The following KAT6A variants were observed in gnomAD, a reference collection of about 807,000 sequenced individuals.
The protein encoded by KAT6A is lysine acetyltransferase 6A, also known as histone acetyltransferase KAT6A.
KAT6A carries 9 observed loss-of-function variants against 198.4 expected under a neutral mutation model. The ratio of observed to expected loss-of-function variants is 0.05; its 90% CI spans 0.03 to 0.08. The LOEUF (loss-of-function observed/expected upper bound fraction) is 0.08, where lower values mean the gene tolerates loss of function less well. KAT6A is among the 10% of genes least tolerant of loss of function. The probability of loss-of-function intolerance (pLI) is 1.00; values close to 1 mark genes in which losing one functional copy is unlikely to be tolerated. For synonymous variants in KAT6A, 890 were observed against 883.0 expected, an observed-to-expected ratio of 1.01 and a Z score of -0.14; for missense variants, 2,077 against 2,509.9, an observed-to-expected ratio of 0.83 and a Z score of 3.69.
chr8:42,029,877 A>G (rs923732989), intron 2 of KAT6A, among the ~76,000 whole-genome samples: 1 of 152,070 alleles, frequency 6.6e-6, no homozygotes, highest in Admixed American at 6.5e-5. Flanking sequence ...TGATTTCTTT[A>G]CATTGTGTAC....
chr8:42,040,776 A>T (rs1423961519), intron 2 of KAT6A, among the ~76,000 whole-genome samples: 5 of 151,418 alleles, frequency 3.3e-5, no homozygotes, highest in Admixed American at 1.3e-4. Context: ...AAAGAAAGAA[A>T]AGAAAAATTG....
intron 8 of KAT6A, among the ~76,000 whole-genome samples, chr8:41,960,162 T>C (rs935832427): frequency 5.3e-5 from 8 of 150,830 alleles, no homozygotes; most frequent in Non-Finnish European, 1.0e-4. Flanking sequence ...GGTGGGGGGT[T>C]GGGAGTTGTT....
chr8:42,039,164 T>G (rs1446055739), intron 2 of KAT6A, among the ~76,000 whole-genome samples: 1 of 152,188 alleles, frequency 6.6e-6, no homozygotes, highest in Non-Finnish European at 1.5e-5. Context: ...AGGGTGAAGT[T>G]ACTCCTGGTC....
intron 5 of KAT6A, 119 bp downstream of exon 5, chr8:41,980,727 C>G (rs767345462): frequency 4.0e-5 from 31 of 777,650 alleles, no homozygotes; most frequent in Non-Finnish European, 6.5e-5. Context: ...TCTCTTCCTA[C>G]TTATACAACC....
intron 2 of KAT6A, among the ~76,000 whole-genome samples, chr8:42,032,707 A>C (rs1351175253): frequency 1.3e-5 from 2 of 152,114 alleles, no homozygotes; most frequent in Non-Finnish European, 2.9e-5. Flanking sequence ...CTTACAATGG[A>C]GGGCTAATGA....
Position 41,953,754 on chromosome 8 carries a change from G to A in KAT6A, c.1598+1542C>T, listed in dbSNP as rs149840820. On this transcript the variant is annotated intron_variant, in intron 9 of 16. Coordinates refer to ENST00000265713, the MANE Select transcript of KAT6A (RefSeq NM_006766.5). ...CTCCCAAAGTGCTGGGATTACAGGC[G>A]TGTCCTTGGCGTATTTCTTCTCGGT... is the stretch of plus-strand genomic sequence containing the variant. 1.8e-4 allele frequency among the ~76,000 whole-genome samples: 28 copies of A among 152,228 alleles called. No individual in the cohort carries two copies. The East Asian group carries it at 1.9e-3, about 10-fold the overall frequency.
At chr8:41,969,760 T>C (rs1031958596) in intron 8 of KAT6A, among the ~76,000 whole-genome samples, 12 of 151,630 alleles carry the variant, frequency 7.9e-5, no homozygotes, top group Admixed American at 7.2e-4. Context: ...TCAGTCTATT[T>C]CCCCAGCTTC....
chr8:41,949,517 A>T (rs1221774208), intron 9 of KAT6A, among the ~76,000 whole-genome samples, 154 bp from the exon 10 acceptor site: 1 of 152,234 alleles, frequency 6.6e-6, no homozygotes. Flanking sequence ...AAAATGACAA[A>T]ATATATAATT....
chr8:41,983,384 A>T (rs1488094300), intron 3 of KAT6A, among the ~76,000 whole-genome samples: 1 of 152,252 alleles, frequency 6.6e-6, no homozygotes, highest in Non-Finnish European at 1.5e-5. Flanking sequence ...CTAGAATAAT[A>T]GCCATTTTTA....
Position 41,929,526 on chromosome 8 carries a change from G to C in KAT6A, c.*2679C>G, listed in dbSNP as rs143230746. The C allele has an allele frequency of 1.6e-5, 3 of 183,802 alleles. No homozygotes were observed. Among genetic ancestry groups the C allele is most frequent in the Non-Finnish European group, 3.5e-5 (3 of 86,604 alleles). The allele number at this position is 183,802 out of a possible 1,614,324, so 11.4% of individuals were successfully genotyped here. ...TATTTTTTATGTTAAAATGTACAGA[G>C]TTCTTTTGAAAGTACTTGCTAGAAA... On this transcript the variant is annotated 3_prime_UTR_variant, in exon 17 of 17. Coordinates refer to ENST00000265713, the MANE Select transcript of KAT6A (RefSeq NM_006766.5).
intron 2 of KAT6A, among the ~76,000 whole-genome samples, chr8:42,028,548 T>C (rs534560573): frequency 6.6e-6 from 1 of 152,354 alleles, no homozygotes; most frequent in African/African-American, 2.4e-5. Flanking sequence ...AGAAGTATAG[T>C]ACTCCTAATC....
chr8:41,934,965 T>A, intron 16 of KAT6A, 98 bp from the exon 17 acceptor site: 1 of 964,034 alleles, frequency 1.0e-6, no homozygotes, highest in Non-Finnish European at 1.5e-6. Flanking sequence ...ATGACTTTAT[T>A]AATCATTACT....
Position 41,934,428 on chromosome 8 carries a change from T to G in KAT6A, c.3792A>C (p.Glu1264Asp). 6.2e-7 allele frequency: 1 copy of G among 1,609,934 alleles called. No individual in the cohort carries two copies. ...PADSSNSPETETKEPEVEEEE... is the reference protein window; with the variant it reads ...PADSSNSPETDTKEPEVEEEE... Reference sequence around the variant, plus strand: ...CCTCCTCCACCTCAGGCTCCTTGGTTTCGGTCTCAGGACTATTGCTGCTGT... The same window carrying G: ...CCTCCTCCACCTCAGGCTCCTTGGTGTCGGTCTCAGGACTATTGCTGCTGT... Residue 1264 changes from glutamate to aspartate, a missense_variant, in exon 17 of 17, where the codon GAA (glutamate) becomes GAC (aspartate). Glu to Asp is a conservative substitution (Grantham distance 45). This residue lies in a region of KAT6A where 375 missense variants were observed against 383.0 expected (regional missense o/e 0.98). Coordinates refer to ENST00000265713, the MANE Select transcript of KAT6A (RefSeq NM_006766.5).
chr8:42,046,071 C>T (rs561417874), intron 2 of KAT6A, among the ~76,000 whole-genome samples: 3 of 152,120 alleles, frequency 2.0e-5, no homozygotes, highest in Non-Finnish European at 4.4e-5. Context: ...TTGGATTAGA[C>T]GGTTCTCAGG....
At chr8:42,041,429 CAAT>C (rs1278069536) in intron 2 of KAT6A, among the ~76,000 whole-genome samples, 2 of 152,140 alleles carry the variant, frequency 1.3e-5, no homozygotes, top group East Asian at 1.9e-4. Flanking sequence ...ATGGTATAAA[CAAT>C]GATGTCAGAA....
chr8:42,021,976 C>T (rs1826559594), intron 2 of KAT6A, among the ~76,000 whole-genome samples: 1 of 152,044 alleles, frequency 6.6e-6, no homozygotes, highest in Non-Finnish European at 1.5e-5. Flanking sequence ...AATTATTGCA[C>T]AAGTTTAACA....
chr8:42,028,749 C>T (rs7008039), intron 2 of KAT6A, among the ~76,000 whole-genome samples: 1,814 of 152,236 alleles, frequency 0.012, 33 homozygotes, highest in African/African-American at 0.042. Context: ...AAGACTTATC[C>T]TGTATTTTGT....
chr8:42,040,390 GAA>G (rs1156846271), intron 2 of KAT6A, among the ~76,000 whole-genome samples: 1 of 152,090 alleles, frequency 6.6e-6, no homozygotes, highest in Admixed American at 6.5e-5. Context: ...GGTAGACCAA[GAA>G]AGAGTAAAGT....
chr8:41,943,639 T>C, intron 13 of KAT6A, 109 bp downstream of exon 13: 2 of 677,970 alleles, frequency 2.9e-6, no homozygotes, highest in Non-Finnish European at 5.2e-6. Flanking sequence ...TATCACCAAG[T>C]ATATCATTTA....
Sources: gnomAD v4.1 joint callset for allele counts (sites outside exome capture counted in the v4.1 genomes callset) on GRCh38, gnomAD v4.1.1 for gene constraint, gnomAD v4.1.1 regional missense constraint, MANE v1.5 for transcripts, NCBI Gene and HGNC (gene_info 2026-07-23, HGNC 2026-07-21) for gene names.